Variants in CMIP observed in about 807,000 individuals in gnomAD.
CMIP encodes C-Maf-inducing protein.
A neutral mutation model predicts 97.3 loss-of-function variants in CMIP; 13 were observed. The ratio of observed to expected loss-of-function variants is 0.13; its 90% CI spans 0.09 to 0.21. The LOEUF (loss-of-function observed/expected upper bound fraction) is 0.21. Ranked by LOEUF, CMIP falls within the 10% of genes least tolerant of loss-of-function variation. CMIP has a pLI of 1.00. For synonymous variants in CMIP, 538 were observed against 436.3 expected (o/e 1.23, Z -2.91); for missense variants, 847 against 1,024.9 (o/e 0.83, Z 2.37).
intron 1 of CMIP, among the ~76,000 whole-genome samples, chr16:81,503,402 T>C (rs1597482803): frequency 6.6e-6 from 1 of 152,258 alleles, no homozygotes; most frequent in East Asian, 1.9e-4. Flanking sequence ...CCCTTTATTT[T>C]AATTTTTATT....
At chr16:81,678,740 G>C in intron 10 of CMIP, 112 bp downstream of exon 10, 1 of 610,260 alleles carries the variant, frequency 1.6e-6, no homozygotes, top group Non-Finnish European at 2.9e-6. Flanking sequence ...GGGCATGGTA[G>C]AGTGGCTTGT....
intron 1 of CMIP, among the ~76,000 whole-genome samples, chr16:81,564,172 G>A (rs1262025553): frequency 2.6e-5 from 4 of 152,242 alleles, no homozygotes; most frequent in African/African-American, 9.6e-5. Flanking sequence ...CACCTGCCAG[G>A]GGAGAAAAGA....
chr16:81,693,795 A>C (rs1906387392), intron 13 of CMIP, among the ~76,000 whole-genome samples: 1 of 152,096 alleles, frequency 6.6e-6, no homozygotes, highest in Non-Finnish European at 1.5e-5. Context: ...CAGCATTTTG[A>C]TCCTGTCTGG....
intron 1 of CMIP, among the ~76,000 whole-genome samples, chr16:81,506,570 T>C (rs182766520): frequency 8.1e-4 from 123 of 152,292 alleles, no homozygotes; most frequent in African/African-American, 2.6e-3. Flanking sequence ...AGAAGCTTGA[T>C]TGGGGAAAAG....
At chr16:81,639,916 C>A (rs1191596598) in intron 3 of CMIP, among the ~76,000 whole-genome samples, 1 of 152,092 alleles carries the variant, frequency 6.6e-6, no homozygotes, top group South Asian at 2.1e-4. Flanking sequence ...AGCACAGGGC[C>A]CAGTACATAG....
intron 2 of CMIP, among the ~76,000 whole-genome samples, chr16:81,611,179 GC>G (rs1312588969): frequency 1.3e-5 from 2 of 152,224 alleles, no homozygotes; most frequent in Non-Finnish European, 2.9e-5. Flanking sequence ...GCCACACATG[GC>G]CAAAGGCTGC....
At chr16:81,615,038 ATGTGTATC>A (rs942674120) in intron 2 of CMIP, among the ~76,000 whole-genome samples, 7 of 143,550 alleles carry the variant, frequency 4.9e-5, no homozygotes, top group Middle Eastern at 8.5e-3. Context: ...GTGTACGTGC[ATGTGTATC>A]TGTGTGTCTG....
At chr16:81,609,707 G>T (rs1320773740) in intron 2 of CMIP, among the ~76,000 whole-genome samples, 8 of 152,248 alleles carry the variant, frequency 5.3e-5, no homozygotes, top group African/African-American at 1.9e-4. Context: ...ATGAGTAGAA[G>T]TGTGCCAGAA....
intron 1 of CMIP, among the ~76,000 whole-genome samples, chr16:81,449,687 TGCCATTTGTCATAGGA>T (rs910794595): frequency 2.1e-5 from 3 of 143,984 alleles, no homozygotes; most frequent in Admixed American, 2.1e-4. Context: ...CCCCTTTCCA[TGCCATTTGTCATAGGA>T]GGATTTTGGA....
In CMIP at chr16:81,592,098, A is replaced by C. The variant is rs370156631; in HGVS notation, c.301-15469A>C. Among the ~76,000 whole-genome samples the C allele has an allele frequency of 2.0e-5, 3 of 152,134 alleles. No homozygotes were observed. The East Asian group carries it at 5.8e-4, about 29-fold the overall frequency. The stretch of plus-strand genomic sequence containing the variant: ...CTTGGCCTCCCAAAGTGCCGGGATT[A>C]CAGGCATGAGCCACTGCGCCTGGCT... On this transcript the variant is annotated intron_variant, in intron 1 of 20. Coordinates refer to ENST00000537098, the MANE Select transcript of CMIP (RefSeq NM_198390.3).
chr16:81,581,011 G>A (rs9938967), intron 1 of CMIP, among the ~76,000 whole-genome samples: 11,568 of 152,084 alleles, frequency 0.076, 957 homozygotes, highest in African/African-American at 0.2. Context: ...TTTCATAGCA[G>A]TACAATCACA....
intron 3 of CMIP, among the ~76,000 whole-genome samples, chr16:81,629,513 C>T (rs1262553325): frequency 6.6e-6 from 1 of 152,228 alleles, no homozygotes; most frequent in Non-Finnish European, 1.5e-5. Flanking sequence ...CCCACCCCAC[C>T]TCCGTTTGCC....
At chr16:81,688,774 C>T (rs1012176793) in intron 10 of CMIP, among the ~76,000 whole-genome samples, 11 of 152,150 alleles carry the variant, frequency 7.2e-5, no homozygotes, top group Non-Finnish European at 1.6e-4. Flanking sequence ...TCATCATTTA[C>T]ATTAGATATA....
intron 1 of CMIP, among the ~76,000 whole-genome samples, chr16:81,455,147 G>T (rs907217708): frequency 6.6e-6 from 1 of 152,190 alleles, no homozygotes; most frequent in Non-Finnish European, 1.5e-5. Context: ...AGGACTGGCC[G>T]GCCAGCCGGG....
At chr16:81,566,056 C>T (rs991614590) in intron 1 of CMIP, among the ~76,000 whole-genome samples, 2 of 152,202 alleles carry the variant, frequency 1.3e-5, no homozygotes, top group African/African-American at 2.4e-5. Context: ...AATTGGGCAG[C>T]GGGGGACCTG....
intron 1 of CMIP, chr16:81,476,133 C>T (rs879731100): frequency 4.8e-5 from 47 of 983,810 alleles, no homozygotes; most frequent in South Asian, 1.6e-4. Context: ...TTCACCTTGC[C>T]GGAGACCACG....
At chr16:81,667,682 G>C (rs895044154) in intron 7 of CMIP, among the ~76,000 whole-genome samples, 2 of 150,600 alleles carry the variant, frequency 1.3e-5, no homozygotes, top group African/African-American at 4.9e-5. Flanking sequence ...CCCAGAGACA[G>C]ACGTGGCAGC....
At chr16:81,590,914 C>A (rs943645613) in intron 1 of CMIP, among the ~76,000 whole-genome samples, 1 of 152,048 alleles carries the variant, frequency 6.6e-6, no homozygotes, top group Non-Finnish European at 1.5e-5. Flanking sequence ...AGGGTTGGAC[C>A]CACTACTTGT....
At chr16:81,531,241 G>T (rs1195096050) in intron 1 of CMIP, among the ~76,000 whole-genome samples, 1 of 152,160 alleles carries the variant, frequency 6.6e-6, no homozygotes, top group African/African-American at 2.4e-5. Context: ...TGACAGCAGA[G>T]ACAGATTCAG....
Sources: allele counts gnomAD v4.1 joint callset (sites outside exome capture counted in the v4.1 genomes callset), GRCh38; gene constraint gnomAD v4.1.1; transcripts MANE v1.5; gene names NCBI Gene and HGNC (gene_info 2026-07-23, HGNC 2026-07-21).